Variants in PIEZO2 observed in about 807,000 individuals in gnomAD.
PIEZO2 encodes the protein piezo type mechanosensitive ion channel component 2.
PIEZO2 carries 172 observed loss-of-function variants against 337.3 expected under a neutral mutation model. The ratio of observed to expected loss-of-function variants is 0.51; its 90% CI spans 0.45 to 0.58. The LOEUF is 0.58. PIEZO2 is among the 20% of genes least tolerant of loss of function. The probability of loss-of-function intolerance (pLI) is 0.00; values close to 1 mark genes in which losing one functional copy is unlikely to be tolerated. For synonymous variants in PIEZO2, 1,251 were observed against 1,228.5 expected, an observed-to-expected ratio of 1.02 and a Z score of -0.38; for missense variants, 3,028 against 3,391.3, an observed-to-expected ratio of 0.89 and a Z score of 2.66.
rs2042288940 is a variant in PIEZO2, at chr18:10,877,144, A to C, written c.330-5729T>G. 1.3e-5 allele frequency among the ~76,000 whole-genome samples: 2 copies of C among 152,120 alleles called. No homozygotes were observed. The highest frequency in any genetic ancestry group is 2.9e-5 in the Non-Finnish European group (2 of 68,018). ...CTACTTAATTGTTGATGAGTCCACA[A>C]AATTCTGTTCTTCATTTATTTTTCT... On this transcript the variant is annotated intron_variant, in intron 4 of 55. Transcript: ENST00000674853. The surrounding 1 kb of genome is among the most constrained non-coding windows in gnomAD (Gnocchi z 5.3).
chr18:10,822,460 G>T (rs186101551), intron 7 of PIEZO2, among the ~76,000 whole-genome samples: 1 of 152,150 alleles, frequency 6.6e-6, no homozygotes, highest in African/African-American at 2.4e-5. Context: ...AGAAAACACT[G>T]AAACAAACTT....
At chr18:10,990,489 C>G (rs2035046677) in intron 2 of PIEZO2, among the ~76,000 whole-genome samples, 2 of 152,096 alleles carry the variant, frequency 1.3e-5, no homozygotes, top group Admixed American at 6.6e-5. Flanking sequence ...GGGCCTTGGT[C>G]TGCCCCCGTC....
chr18:10,903,463 C>T lies in PIEZO2; in HGVS notation c.329+7723G>A, dbSNP rs769941951. ...CGGGCGGATCATGAGGTCAAGAGAT[C>T]GAGACCATCCTGGCCAACAACATGG... is the stretch of plus-strand genomic sequence containing the variant. On this transcript the variant is annotated intron_variant, in intron 4 of 55. Coordinates refer to ENST00000674853, the MANE Select transcript of PIEZO2 (RefSeq NM_001378183.1). This position sits in a 1 kb window ranked among gnomAD's most constrained non-coding sequence, Gnocchi z 4.1. Among the ~76,000 whole-genome samples the T allele has an allele frequency of 9.2e-5, 14 of 151,984 alleles. No homozygotes were observed. Among genetic ancestry groups the T allele is most frequent in the African/African-American group, 3.1e-4 (13 of 41,390 alleles).
intron 39 of PIEZO2, chr18:10,709,342 C>G (rs753683699): frequency 6.6e-6 from 1 of 152,248 alleles, no homozygotes; most frequent in Non-Finnish European, 1.5e-5. Flanking sequence ...AGGTGTGACA[C>G]ACGCATAGTT....
chr18:10,758,386 C>G (rs7228152), intron 26 of PIEZO2, among the ~76,000 whole-genome samples: 7 of 152,066 alleles, frequency 4.6e-5, no homozygotes, highest in Non-Finnish European at 7.4e-5. Context: ...GTTTGCACAT[C>G]GGTGAGAGAA....
Position 10,945,266 on chromosome 18 carries a change from A to C in PIEZO2, c.287-34038T>G, listed in dbSNP as rs2032956632. 6.6e-6 allele frequency among the ~76,000 whole-genome samples: 1 copy of C among 152,132 alleles called. No homozygotes were observed. Among genetic ancestry groups the C allele is most frequent in the Non-Finnish European group, 1.5e-5 (1 of 68,012 alleles). ...ACAATCATAGCTCACTGCAGCCTCA[A>C]ACTCCTGTGCTCAGGGGATCCTCCC... On this transcript the variant is annotated intron_variant, in intron 3 of 55. Transcript: ENST00000674853. This position sits in a 1 kb window ranked among gnomAD's most constrained non-coding sequence, Gnocchi z 4.0.
At chr18:11,006,563 C>T (rs1484339995) in intron 2 of PIEZO2, among the ~76,000 whole-genome samples, 1 of 152,148 alleles carries the variant, frequency 6.6e-6, no homozygotes, top group East Asian at 1.9e-4. Context: ...AACTTTACCT[C>T]GTATTGGTCT....
At chr18:10,740,934 C>T in intron 33 of PIEZO2, 97 bp downstream of exon 33, 1 of 1,250,866 alleles carries the variant, frequency 8.0e-7, no homozygotes, top group South Asian at 1.3e-5. Flanking sequence ...AGGATCAAAC[C>T]ATGCATGGAA....
At chr18:10,741,969 T>C (rs547059216) in intron 32 of PIEZO2, among the ~76,000 whole-genome samples, 2,643 of 151,882 alleles carry the variant, frequency 0.017, 35 homozygotes, top group Non-Finnish European at 0.027. Flanking sequence ...CGTGCTAACA[T>C]GGTGAAACCC....
In PIEZO2 at chr18:11,111,764, G is replaced by A. The variant is rs1355771423; in HGVS notation, c.64+36761C>T. 6.6e-6 allele frequency among the ~76,000 whole-genome samples: 1 copy of A among 152,208 alleles called. No homozygotes were observed. Among genetic ancestry groups the A allele is most frequent in the Non-Finnish European group, 1.5e-5 (1 of 68,044 alleles). The stretch of plus-strand genomic sequence containing the variant: ...CCAGGCACCAGTCTGCACCGAAAGC[G>A]TGCACAGTAGAAACCTGGCTCCTTC... On this transcript the variant is annotated intron_variant, in intron 1 of 55. Transcript: ENST00000674853. The surrounding 1 kb of genome is among the most constrained non-coding windows in gnomAD (Gnocchi z 6.2).
chr18:11,046,808 A>T (rs1182113845), intron 2 of PIEZO2, among the ~76,000 whole-genome samples: 1 of 152,246 alleles, frequency 6.6e-6, no homozygotes, highest in Non-Finnish European at 1.5e-5. Flanking sequence ...TCTACTGTGC[A>T]GTGCTCCGGC....
intron 2 of PIEZO2, among the ~76,000 whole-genome samples, chr18:11,007,061 G>T (rs1192268612): frequency 6.6e-6 from 1 of 152,040 alleles, no homozygotes; most frequent in African/African-American, 2.4e-5. Flanking sequence ...TTATTTTGAG[G>T]TATACAATAA....
chr18:10,806,439 C>T (rs78118631), intron 8 of PIEZO2, among the ~76,000 whole-genome samples: 3,590 of 152,154 alleles, frequency 0.024, 140 homozygotes, highest in African/African-American at 0.083. Context: ...TCAGTCCTCC[C>T]CTCAGAAATG....
chr18:10,715,733 G>C lies in PIEZO2; in HGVS notation c.5173C>G (p.Leu1725Val). Residue 1725 changes from leucine to valine, a missense_variant, in exon 38 of 56, where the codon CTT (leucine) becomes GTT (valine). Around this residue, in one of 5 missense-constraint regions of PIEZO2, gnomAD observed 1,925 missense variants for 2,051.9 expected, o/e 0.94. Transcript: ENST00000674853. ...ATATGCTCCCTTGAAATGGAGTTAAGCCAAGTAGTGAAACTGTCCACTGTT... is the reference window on the plus strand; with the variant it reads ...ATATGCTCCCTTGAAATGGAGTTAACCCAAGTAGTGAAACTGTCCACTGTT... ...LATVDSFTTW[L>V]NSISREHIDI... 3 of 1,535,920 alleles carry C rather than the reference G, an allele frequency of 2.0e-6. No individual in the cohort carries two copies. The highest frequency in any genetic ancestry group is 2.6e-6 in the Non-Finnish European group (3 of 1,145,868).
In PIEZO2 at chr18:10,677,561, A is replaced by G. The variant is rs1444970884; in HGVS notation, c.8081+186T>C. On this transcript the variant is annotated intron_variant, in intron 53 of 55. Coordinates refer to ENST00000674853, the MANE Select transcript of PIEZO2 (RefSeq NM_001378183.1). The surrounding 1 kb of genome is among the most constrained non-coding windows in gnomAD (Gnocchi z 4.1). ...ATAGACATAACCCTGGGGACAGTGGACAGAAAACTCCATAGCTGAGATTAA... is the reference window on the plus strand; with the variant it reads ...ATAGACATAACCCTGGGGACAGTGGGCAGAAAACTCCATAGCTGAGATTAA... The G allele has an allele frequency of 1.6e-6, 1 of 610,134 alleles. No homozygotes were observed. Among genetic ancestry groups the G allele is most frequent in the Non-Finnish European group, 2.7e-6 (1 of 375,398 alleles). The allele number at this position is 610,134 out of a possible 1,614,324, so 37.8% of individuals were successfully genotyped here.
Position 10,726,799 on chromosome 18 carries a change from C to G in PIEZO2, c.5029+4608G>C. ...GGTGTCCTATGAGGATGTGGACCAC[C>G]TGCGGCCCCATGGGGTGCTGGATAA... On this transcript the variant is annotated intron_variant, in intron 36 of 55. Coordinates refer to ENST00000674853, the MANE Select transcript of PIEZO2 (RefSeq NM_001378183.1). This position sits in a 1 kb window ranked among gnomAD's most constrained non-coding sequence, Gnocchi z 5.9. 1.3e-6 allele frequency: 2 copies of G among 1,555,378 alleles called. No homozygotes were observed. The highest frequency in any genetic ancestry group is 8.8e-7 in the Non-Finnish European group (1 of 1,133,534).
In PIEZO2 at chr18:10,943,088, G is replaced by A. The variant is rs1193697067; in HGVS notation, c.287-31860C>T. 6.6e-6 allele frequency among the ~76,000 whole-genome samples: 1 copy of A among 152,212 alleles called. No individual in the cohort carries two copies. Among genetic ancestry groups the A allele is most frequent in the Non-Finnish European group, 1.5e-5 (1 of 68,034 alleles). On this transcript the variant is annotated intron_variant, in intron 3 of 55. Transcript: ENST00000674853. This position sits in a 1 kb window ranked among gnomAD's most constrained non-coding sequence, Gnocchi z 4.5. ...TACATGGAAACCCCTGGATAACCAG[G>A]CAGAAGTTTGCTGTAGAGGCAGGGT...
intron 7 of PIEZO2, among the ~76,000 whole-genome samples, chr18:10,832,777 G>A (rs910780232): frequency 2.0e-5 from 3 of 152,208 alleles, no homozygotes; most frequent in Non-Finnish European, 4.4e-5. Flanking sequence ...TGGGCTCCTT[G>A]TTAAAATGCC....
In PIEZO2 at chr18:10,672,108, T is replaced by C. The variant is rs1300600192; in HGVS notation, c.8346-329A>G. Among the ~76,000 whole-genome samples, 1 of 152,214 alleles carries C rather than the reference T, an allele frequency of 6.6e-6. No homozygotes were observed. Among genetic ancestry groups the C allele is most frequent in the Non-Finnish European group, 1.5e-5 (1 of 68,040 alleles). ...GCATATATTAAATGCATAAACCATA[T>C]AATGTATTTGGTAGAAATGTAATTA... On this transcript the variant is annotated intron_variant, in intron 55 of 55. Coordinates refer to ENST00000674853, the MANE Select transcript of PIEZO2 (RefSeq NM_001378183.1). This position sits in a 1 kb window ranked among gnomAD's most constrained non-coding sequence, Gnocchi z 4.7.
Sources: gnomAD v4.1 joint callset for allele counts (sites outside exome capture counted in the v4.1 genomes callset) on GRCh38, gnomAD v4.1.1 for gene constraint, gnomAD v4.1.1 regional missense constraint, Gnocchi (gnomAD v3.1) non-coding constraint, MANE v1.5 for transcripts, NCBI Gene and HGNC (gene_info 2026-07-23, HGNC 2026-07-21) for gene names.